Variants in RIGI observed in about 807,000 individuals in gnomAD.
RIGI encodes the protein RNA sensor RIG-I, also known as antiviral innate immune response receptor RIG-I.
At chr9:32,457,530 G>A in the RIGI span, 1 of 936,358 alleles carries the variant, frequency 1.1e-6, no homozygotes, top group Non-Finnish European at 1.5e-6. Context: ...GCAAAGAACA[G>A]GTGGGTCTCA....
the RIGI span, among the ~76,000 whole-genome samples, chr9:32,522,274 T>C: frequency 6.6e-6 from 1 of 152,190 alleles, no homozygotes; most frequent in African/African-American, 2.4e-5. Context: ...CCTTTAAGAA[T>C]ACAGTATATT....
the RIGI span, chr9:32,493,696 G>A: frequency 9.2e-7 from 1 of 1,089,702 alleles, no homozygotes; most frequent in Non-Finnish European, 1.3e-6. Context: ...AAACAGTATA[G>A]AAAACAGAAG....
the RIGI span, chr9:32,455,698 C>G: frequency 6.6e-6 from 1 of 152,042 alleles, no homozygotes; most frequent in African/African-American, 2.4e-5. Flanking sequence ...AAAACCAACT[C>G]ATAAACTTGG....
chr9:32,457,502 A>AGAAAG, the RIGI span: 2 of 1,138,590 alleles, frequency 1.8e-6, no homozygotes, highest in Non-Finnish European at 2.4e-6. Context: ...AAAAAAGAAA[A>AGAAAG]CCCCACAATA....
chr9:32,490,649 C>T, the RIGI span, among the ~76,000 whole-genome samples: 1 of 152,174 alleles, frequency 6.6e-6, no homozygotes, highest in Non-Finnish European at 1.5e-5. Context: ...TTATACATAA[C>T]TTTTTATTAT....
At chr9:32,517,762 G>A in the RIGI span, among the ~76,000 whole-genome samples, 7 of 152,192 alleles carry the variant, frequency 4.6e-5, no homozygotes, top group East Asian at 1.9e-4. Context: ...AAATGCCCAC[G>A]TATTAATTTT....
chr9:32,457,858 C>T, the RIGI span, among the ~76,000 whole-genome samples: 1 of 152,216 alleles, frequency 6.6e-6, no homozygotes. Context: ...AATGTGTCCA[C>T]AGGCCCCACC....
chr9:32,485,187 A>G, the RIGI span: 1 of 1,601,050 alleles, frequency 6.2e-7, no homozygotes, highest in African/African-American at 1.3e-5. Context: ...AGGTCTTTGC[A>G]GATTCTCTTT....
At chr9:32,522,233 T>G in the RIGI span, among the ~76,000 whole-genome samples, 1,052 of 152,300 alleles carry the variant, frequency 6.9e-3, 9 homozygotes, top group African/African-American at 0.024. Flanking sequence ...TTTTGGAATC[T>G]GGAGAATTTT....
chr9:32,524,604 T>TTTTTTTTG, the RIGI span, among the ~76,000 whole-genome samples: 27 of 123,944 alleles, frequency 2.2e-4, no homozygotes, highest in Non-Finnish European at 1.7e-5. Flanking sequence ...CGGTTTTTTT[T>TTTTTTTTG]TTTTTTTTTT....
the RIGI span, among the ~76,000 whole-genome samples, chr9:32,484,483 A>G: frequency 6.6e-6 from 1 of 152,098 alleles, no homozygotes; most frequent in Non-Finnish European, 1.5e-5. Context: ...AGGACCACCC[A>G]CTGGCATTCA....
the RIGI span, chr9:32,493,934 C>T: frequency 1.3e-6 from 2 of 1,578,444 alleles, no homozygotes; most frequent in African/African-American, 2.8e-5. Flanking sequence ...TCATAAAGTC[C>T]AGAATAACCT....
At chr9:32,461,893 A>G in the RIGI span, among the ~76,000 whole-genome samples, 4 of 152,310 alleles carry the variant, frequency 2.6e-5, no homozygotes, top group African/African-American at 9.6e-5. Flanking sequence ...TATGCTTTCA[A>G]TATGGTTTGT....
the RIGI span, among the ~76,000 whole-genome samples, chr9:32,498,647 C>A: frequency 1.3e-5 from 2 of 152,046 alleles, no homozygotes; most frequent in South Asian, 4.1e-4. Flanking sequence ...AAGAGTATAA[C>A]AAGAAAAGGA....
the RIGI span, among the ~76,000 whole-genome samples, chr9:32,497,101 T>C: frequency 6.6e-6 from 1 of 152,202 alleles, no homozygotes; most frequent in Non-Finnish European, 1.5e-5. Flanking sequence ...CATTGCGATT[T>C]TGATAGGGAT....
chr9:32,509,506 G>C, the RIGI span, among the ~76,000 whole-genome samples: 1 of 152,150 alleles, frequency 6.6e-6, no homozygotes, highest in African/African-American at 2.4e-5. Flanking sequence ...TGCAGCTGAG[G>C]GGCCTGTTAG....
At chr9:32,520,757 G>A in the RIGI span, among the ~76,000 whole-genome samples, 1 of 152,072 alleles carries the variant, frequency 6.6e-6, no homozygotes, top group Non-Finnish European at 1.5e-5. Context: ...GGTTTTCTTG[G>A]AGCATTACTC....
the RIGI span, chr9:32,473,007 A>T: frequency 6.8e-6 from 11 of 1,610,644 alleles, no homozygotes; most frequent in Non-Finnish European, 7.6e-6. Context: ...ACGTCCAGTC[A>T]ATATGCCAGG....
the RIGI span, among the ~76,000 whole-genome samples, chr9:32,497,616 G>A: frequency 6.6e-6 from 1 of 152,128 alleles, no homozygotes; most frequent in Admixed American, 6.5e-5. Flanking sequence ...GCATGGCGGC[G>A]AGCACCTGTA....
Sources: allele counts gnomAD v4.1 joint callset (sites outside exome capture counted in the v4.1 genomes callset), GRCh38; gene constraint gnomAD v4.1.1; transcripts MANE v1.5; gene names NCBI Gene and HGNC (gene_info 2026-07-23, HGNC 2026-07-21).